Variants in ULK4 observed in about 807,000 individuals in gnomAD.
ULK4 encodes inactive serine/threonine-protein kinase ULK4.
ULK4 carries 133 observed loss-of-function variants against 160.6 expected under a neutral mutation model. The ratio of observed to expected loss-of-function variants is 0.83; its 90% CI spans 0.72 to 0.96. ULK4 has a LOEUF of 0.96. Ranked by LOEUF, ULK4 falls within the 40% of genes least tolerant of loss-of-function variation. The pLI is 0.00. For synonymous variants in ULK4, 534 were observed against 539.8 expected, an observed-to-expected ratio of 0.99 and a Z score of 0.15; for missense variants, 1,580 against 1,499.5, an observed-to-expected ratio of 1.05 and a Z score of -0.89.
intron 17 of ULK4, among the ~76,000 whole-genome samples, chr3:41,872,884 G>A (rs1377339112): frequency 1.3e-5 from 2 of 152,138 alleles, no homozygotes. Context: ...GCTGGGCGCA[G>A]TGGCTCATGC....
At chr3:41,873,879 TTG>T (rs1491205422) in intron 17 of ULK4, among the ~76,000 whole-genome samples, 29 of 151,362 alleles carry the variant, frequency 1.9e-4, no homozygotes, top group South Asian at 1.9e-3. Context: ...GTGGTTTTTT[TTG>T]TTTTTTTTTT....
chr3:41,423,972 A>C (rs1433774702), intron 34 of ULK4, among the ~76,000 whole-genome samples: 3 of 152,124 alleles, frequency 2.0e-5, no homozygotes, highest in Non-Finnish European at 4.4e-5. Flanking sequence ...AGACAACCTA[A>C]GATTACGGAG....
intron 5 of ULK4, among the ~76,000 whole-genome samples, chr3:41,925,966 C>T (rs1575961991): frequency 6.6e-6 from 1 of 152,316 alleles, no homozygotes; most frequent in East Asian, 1.9e-4. Context: ...CTGAAGAGAG[C>T]AACAGATCTC....
chr3:41,691,866 G>T (rs372788818), intron 27 of ULK4, among the ~76,000 whole-genome samples: 2 of 143,768 alleles, frequency 1.4e-5, no homozygotes, highest in Admixed American at 1.4e-4. Context: ...ACACCAAACA[G>T]CAACAATGCA....
chr3:41,961,542 A>G (rs922383668), intron 1 of ULK4, among the ~76,000 whole-genome samples: 1 of 76,000 alleles, frequency 1.3e-5, no homozygotes, highest in Non-Finnish European at 2.6e-5. Context: ...GGCGCTACGT[A>G]GTCACTCACC....
rs530199360 is a variant in ULK4 at position 41,861,070 on chromosome 3, T to G, written c.1656+22804A>C. Among the ~76,000 whole-genome samples the G allele has an allele frequency of 9.8e-5, 15 of 152,294 alleles. No individual in the cohort carries two copies. In the East Asian group the frequency reaches 2.9e-3, roughly 29 times the overall value. On this transcript the variant is annotated intron_variant, in intron 17 of 36. Coordinates refer to ENST00000301831, the MANE Select transcript of ULK4 (RefSeq NM_017886.4). ...AATATCATGCCCCTGCTTTTAAACT[T>G]TTTGCTGTTTCTATTTAGATCTCAT... is the stretch of plus-strand genomic sequence containing the variant.
intron 35 of ULK4, among the ~76,000 whole-genome samples, chr3:41,388,344 A>G (rs1180295527): frequency 4.0e-5 from 6 of 151,790 alleles, no homozygotes; most frequent in Admixed American, 2.6e-4. Flanking sequence ...CTCTGATGGT[A>G]GTTTCTTTTG....
chr3:41,653,603 A>C (rs2034827209), intron 30 of ULK4, among the ~76,000 whole-genome samples: 1 of 152,326 alleles, frequency 6.6e-6, no homozygotes, highest in African/African-American at 2.4e-5. Context: ...TAAAGACCAA[A>C]AAGTTCTATT....
At chr3:41,447,487 A>G (rs2083327553) in intron 34 of ULK4, among the ~76,000 whole-genome samples, 1 of 152,188 alleles carries the variant, frequency 6.6e-6, no homozygotes, top group South Asian at 2.1e-4. Flanking sequence ...GCTACATGAC[A>G]GCCACTCAAG....
intron 5 of ULK4, among the ~76,000 whole-genome samples, chr3:41,922,025 T>C (rs1275435237): frequency 6.6e-6 from 1 of 151,010 alleles, no homozygotes; most frequent in Non-Finnish European, 1.5e-5. Context: ...TGGTAGTGCA[T>C]GCCTGTAATC....
chr3:41,852,083 C>G (rs1401929105), intron 17 of ULK4, among the ~76,000 whole-genome samples: 1 of 152,124 alleles, frequency 6.6e-6, no homozygotes, highest in Admixed American at 6.5e-5. Flanking sequence ...GAAATAAAAA[C>G]TACCATCAGA....
chr3:41,817,363 T>C (rs1290976777), intron 19 of ULK4, among the ~76,000 whole-genome samples: 1 of 152,184 alleles, frequency 6.6e-6, no homozygotes, highest in Non-Finnish European at 1.5e-5. Flanking sequence ...ATTCCATATC[T>C]TAGCTAAGAG....
intron 34 of ULK4, among the ~76,000 whole-genome samples, chr3:41,403,889 T>C (rs1009104863): frequency 2.6e-5 from 4 of 152,174 alleles, no homozygotes; most frequent in African/African-American, 7.2e-5. Flanking sequence ...ATGTTGGAAA[T>C]TTTCCTATTG....
At chr3:41,773,527 C>T (rs1432906735) in intron 21 of ULK4, among the ~76,000 whole-genome samples, 1 of 152,054 alleles carries the variant, frequency 6.6e-6, no homozygotes, top group African/African-American at 2.4e-5. Flanking sequence ...ATGTCAAGGA[C>T]CTCTTCAAGG....
At chr3:41,755,954 AACACAGATAC>A (rs1209302640) in intron 21 of ULK4, among the ~76,000 whole-genome samples, 3 of 152,202 alleles carry the variant, frequency 2.0e-5, no homozygotes, top group Non-Finnish European at 2.9e-5. Context: ...TGGGTCAGAA[AACACAGATAC>A]ACGCACACAC....
At chr3:41,873,445 T>C (rs1250858879) in intron 17 of ULK4, among the ~76,000 whole-genome samples, 2 of 152,188 alleles carry the variant, frequency 1.3e-5, no homozygotes, top group Non-Finnish European at 2.9e-5. Flanking sequence ...GCTGCCGCCA[T>C]TTCTGACTTT....
chr3:41,695,951 C>A (rs2036481964), intron 27 of ULK4, among the ~76,000 whole-genome samples: 1 of 152,114 alleles, frequency 6.6e-6, no homozygotes, highest in Admixed American at 6.5e-5. Flanking sequence ...AGAGTGTGAG[C>A]CTTCTGTTAT....
chr3:41,608,144 T>A (rs905552464), intron 31 of ULK4, among the ~76,000 whole-genome samples: 1 of 152,156 alleles, frequency 6.6e-6, no homozygotes, highest in Non-Finnish European at 1.5e-5. Flanking sequence ...CTCTAATAAA[T>A]CCAAAATGCA....
chr3:41,833,101 G>A (rs973784025), intron 18 of ULK4, among the ~76,000 whole-genome samples: 1 of 152,044 alleles, frequency 6.6e-6, no homozygotes, highest in African/African-American at 2.4e-5. Context: ...AAATAGCATT[G>A]AATCTATAAA....
Sources: allele counts gnomAD v4.1 joint callset (sites outside exome capture counted in the v4.1 genomes callset), GRCh38; gene constraint gnomAD v4.1.1; transcripts MANE v1.5; gene names NCBI Gene and HGNC (gene_info 2026-07-23, HGNC 2026-07-21).